The following MOV10L1 variants were observed in gnomAD, a reference collection of about 807,000 sequenced individuals.
The protein encoded by MOV10L1 is Mov10 like RNA helicase 1.
A neutral mutation model predicts 143.8 loss-of-function variants in MOV10L1; 110 were observed. That is an observed-to-expected ratio of 0.76 (90% CI 0.66 to 0.90). MOV10L1 has a LOEUF of 0.90. Among genes scored for constraint, MOV10L1 ranks in the 40% least tolerant of loss-of-function variants. The pLI, the probability that MOV10L1 is intolerant of heterozygous loss-of-function variation, is 0.00. For synonymous variants in MOV10L1, 593 were observed against 581.1 expected (o/e 1.02, Z -0.29); for missense variants, 1,406 against 1,526.8 (o/e 0.92, Z 1.32).
chr22:50,092,070 A>T lies in MOV10L1; in HGVS notation c.167A>T (p.Asp56Val), dbSNP rs1407264897. The change falls in exon 2 of 27, where the codon GAT becomes GTT. Residue 56 changes from aspartate to valine, a missense_variant. Coordinates refer to ENST00000262794, the MANE Select transcript of MOV10L1 (RefSeq NM_018995.3). ...RYCSDYGMID[D>V]MIYFSSDAVT... ...TGCAGCGATTATGGCATGATTGATG[A>T]TATGATCTACTTCTCCAGTGATGCT... 1 of 1,614,046 alleles carries T rather than the reference A, an allele frequency of 6.2e-7. No homozygotes were observed. The highest frequency in any genetic ancestry group is 8.5e-7 in the Non-Finnish European group (1 of 1,180,016).
At chr22:50,144,763 A>T (rs2063097073) in intron 18 of MOV10L1, among the ~76,000 whole-genome samples, 1 of 151,644 alleles carries the variant, frequency 6.6e-6, no homozygotes, top group Non-Finnish European at 1.5e-5. Flanking sequence ...TTGTATTTTT[A>T]GTAGAGACGG....
Position 50,158,338 on chromosome 22 carries a change from T to C in MOV10L1, c.3216+132T>C. The C allele has an allele frequency of 8.9e-7, 1 of 1,122,564 alleles. No individual in the cohort carries two copies. The highest frequency in any genetic ancestry group is 1.2e-6 in the Non-Finnish European group (1 of 805,400). The allele number at this position is 1,122,564 out of a possible 1,614,324, so 69.5% of individuals were successfully genotyped here. On this transcript the variant is annotated intron_variant, in intron 23 of 26. Coordinates refer to ENST00000262794, the MANE Select transcript of MOV10L1 (RefSeq NM_018995.3). This position sits in a 1 kb window ranked among gnomAD's most constrained non-coding sequence, Gnocchi z 5.0. ...GGTTTTTAAAGGGGCAGGACCGCACTTGAATGTCGTTCAACATGAGAGGTC... is the reference window on the plus strand; with the variant it reads ...GGTTTTTAAAGGGGCAGGACCGCACCTGAATGTCGTTCAACATGAGAGGTC...
chr22:50,153,107 G>C lies in MOV10L1; in HGVS notation c.2955G>C (p.Leu985=), dbSNP rs2063340817. Residue 985 remains leucine (L), a synonymous_variant, in exon 22 of 27, where the codon CTG becomes CTC. Coordinates refer to ENST00000262794, the MANE Select transcript of MOV10L1 (RefSeq NM_018995.3). ...CCCTGCTGATGCTGCCCTCACGGCT[G>C]TTCTACCACAGGGAACTCGAGGTCT... ...HEALLMLPSR[L]FYHRELEVCA... 1 of 1,613,724 alleles carries C rather than the reference G, an allele frequency of 6.2e-7. No individual in the cohort carries two copies. The highest frequency in any genetic ancestry group is 8.5e-7 in the Non-Finnish European group (1 of 1,179,624).
chr22:50,150,560 G>C (rs2063270222), intron 20 of MOV10L1, among the ~76,000 whole-genome samples, 175 bp from the exon 21 acceptor site: 1 of 152,240 alleles, frequency 6.6e-6, no homozygotes, highest in Admixed American at 6.5e-5. Context: ...GGGGAAGCGG[G>C]GAGAGACGGC....
chr22:50,144,757 A>G (rs1200636377), intron 18 of MOV10L1, among the ~76,000 whole-genome samples: 6 of 150,924 alleles, frequency 4.0e-5, no homozygotes, highest in Admixed American at 3.3e-4. Context: ...AATTTTTTGT[A>G]TTTTTAGTAG....
intron 20 of MOV10L1, among the ~76,000 whole-genome samples, chr22:50,150,204 G>C (rs1183207436): frequency 6.6e-6 from 1 of 152,228 alleles, no homozygotes; most frequent in Admixed American, 6.5e-5. Context: ...AGCTCATCCA[G>C]TGTCCAGCAC....
intron 2 of MOV10L1, 54 bp downstream of exon 2, chr22:50,092,239 T>G: frequency 6.6e-7 from 1 of 1,512,950 alleles, no homozygotes; most frequent in South Asian, 1.2e-5. Context: ...GACTTTGTGT[T>G]GTTTTTCCTT....
rs369834667 is a variant in MOV10L1 at position 50,117,361 on chromosome 22, C to T, written c.1454+10C>T. The T allele has an allele frequency of 6.2e-7, 1 of 1,610,986 alleles. No homozygotes were observed. Among genetic ancestry groups the T allele is most frequent in the African/African-American group, 1.3e-5 (1 of 75,002 alleles). ...TGACCGCACAGAAAAGGTACCATAA[C>T]TGAAATGAGTGTGGCTCTTGGTCTG... On this transcript the variant is annotated intron_variant, in intron 9 of 26. Transcript: ENST00000262794.
chr22:50,110,487 C>T (rs2061994670), intron 5 of MOV10L1, among the ~76,000 whole-genome samples: 1 of 151,970 alleles, frequency 6.6e-6, no homozygotes, highest in Non-Finnish European at 1.5e-5. Flanking sequence ...AGCTTTCAGC[C>T]ATCTCTATGG....
At chr22:50,106,423 C>G (rs1457579965) in intron 3 of MOV10L1, among the ~76,000 whole-genome samples, 1 of 149,062 alleles carries the variant, frequency 6.7e-6, no homozygotes, top group Non-Finnish European at 1.5e-5. Context: ...ACCTCAGCCT[C>G]ACAAAGTGCT....
intron 13 of MOV10L1, among the ~76,000 whole-genome samples, chr22:50,129,508 C>T (rs188740028): frequency 6.6e-5 from 10 of 152,146 alleles, no homozygotes; most frequent in Admixed American, 3.3e-4. Context: ...TGTGAATACC[C>T]GCTGTTTTTC....
intron 3 of MOV10L1, among the ~76,000 whole-genome samples, chr22:50,101,538 A>G (rs2061744307): frequency 6.7e-6 from 1 of 149,080 alleles, no homozygotes; most frequent in African/African-American, 2.5e-5. Flanking sequence ...TCTTTGTTTG[A>G]GACAGAGTTT....
chr22:50,129,325 A>C (rs1023772687), intron 13 of MOV10L1, among the ~76,000 whole-genome samples: 4 of 152,128 alleles, frequency 2.6e-5, no homozygotes, highest in African/African-American at 9.7e-5. Context: ...TTCCTCCACA[A>C]AACCATTAAC....
At chr22:50,112,404 A>G (rs959634005) in intron 5 of MOV10L1, among the ~76,000 whole-genome samples, 3 of 152,224 alleles carry the variant, frequency 2.0e-5, no homozygotes, top group Non-Finnish European at 4.4e-5. Flanking sequence ...ATCCCCAGGC[A>G]GAAGCTGTGG....
In MOV10L1 at chr22:50,108,764, C is replaced by T. The variant is rs376950130; in HGVS notation, c.663C>T (p.Asp221=). The T allele has an allele frequency of 1.6e-5, 26 of 1,614,032 alleles. No homozygotes were observed. Among genetic ancestry groups the T allele is most frequent in the African/African-American group, 5.3e-5 (4 of 74,912 alleles). ...ATGGGTACACACCCCGGAGAGGTGA[C>T]GTGGTCAATGCAGTGGTGGTGGAGA... ...LPDGYTPRRG[D]VVNAVVVESS... is the part of the protein sequence containing the mutation. The change falls in exon 5 of 27, where the codon GAC becomes GAT. Residue 221 remains aspartate (D), a synonymous_variant. Transcript: ENST00000262794.
intron 3 of MOV10L1, among the ~76,000 whole-genome samples, chr22:50,104,982 C>T (rs1313735277): frequency 1.3e-5 from 2 of 151,414 alleles, no homozygotes; most frequent in African/African-American, 4.9e-5. Flanking sequence ...GCCTCAACCT[C>T]GTGGGCTCAA....
At chr22:50,144,586 TG>T (rs2063085616) in intron 18 of MOV10L1, among the ~76,000 whole-genome samples, 1 of 140,044 alleles carries the variant, frequency 7.1e-6, no homozygotes, top group African/African-American at 2.5e-5. Context: ...TGTTTTGTTT[TG>T]TTTTTTTTTT....
Position 50,161,427 on chromosome 22 carries a change from A to G in MOV10L1, c.3614A>G (p.Glu1205Gly). The G allele has an allele frequency of 6.3e-7, 1 of 1,597,900 alleles. No individual in the cohort carries two copies. Among genetic ancestry groups the G allele is most frequent in the Non-Finnish European group, 8.5e-7 (1 of 1,172,270 alleles). The stretch of plus-strand genomic sequence containing the variant: ...GTGGTGCCAGAATCCACAGGACCAG[A>G]GAAGCATCAGGAGCCCAGCTGATCT... ...YPVVPESTGP[E>G]KHQEPS Residue 1205 changes from glutamate to glycine, a missense_variant, in exon 27 of 27, where the codon GAG becomes GGG. Transcript: ENST00000262794.
intron 2 of MOV10L1, among the ~76,000 whole-genome samples, chr22:50,098,155 C>T (rs553549308): frequency 2.0e-5 from 3 of 146,718 alleles, no homozygotes; most frequent in African/African-American, 7.6e-5. Flanking sequence ...TGTAATAGAT[C>T]ACTTTGGGTA....
Sources: allele counts gnomAD v4.1 joint callset (sites outside exome capture counted in the v4.1 genomes callset), GRCh38; gene constraint gnomAD v4.1.1; non-coding constraint Gnocchi (gnomAD v3.1); transcripts MANE v1.5; gene names NCBI Gene and HGNC (gene_info 2026-07-23, HGNC 2026-07-21).